The following UBE2G1 variants were observed in gnomAD, a reference collection of about 807,000 sequenced individuals.
UBE2G1 encodes the protein ubiquitin-conjugating enzyme E2 G1.
In UBE2G1, 5 loss-of-function variants were observed where a neutral mutation model predicts 22.7. That is an observed-to-expected ratio of 0.22 (90% CI 0.12 to 0.46). The LOEUF is 0.46. Ranked by LOEUF, UBE2G1 falls within the 20% of genes least tolerant of loss-of-function variation. The pLI, the probability that UBE2G1 is intolerant of heterozygous loss-of-function variation, is 0.99. For missense variants in UBE2G1, 88 were observed against 203.9 expected (o/e 0.43, Z 3.46); for synonymous variants, 74 against 67.5 (o/e 1.10, Z -0.47).
At chr17:4,334,645 T>C (rs1350775670) in intron 1 of UBE2G1, among the ~76,000 whole-genome samples, 1 of 152,144 alleles carries the variant, frequency 6.6e-6, no homozygotes, top group Non-Finnish European at 1.5e-5. Flanking sequence ...TTCAAACGGA[T>C]TCTCCTGCCT....
At chr17:4,353,362 A>C (rs2143820359) in intron 1 of UBE2G1, among the ~76,000 whole-genome samples, 1 of 152,150 alleles carries the variant, frequency 6.6e-6, no homozygotes, top group South Asian at 2.1e-4. Flanking sequence ...TGTGTATAAT[A>C]TTGTGGTGAA....
intron 1 of UBE2G1, among the ~76,000 whole-genome samples, chr17:4,338,514 G>C (rs1395056081): frequency 2.0e-5 from 3 of 152,132 alleles, no homozygotes; most frequent in African/African-American, 7.2e-5. Flanking sequence ...CATTTTCATA[G>C]TAAGTAAAGG....
At chr17:4,340,894 T>TAAAA (rs778447316) in intron 1 of UBE2G1, among the ~76,000 whole-genome samples, 57 of 111,046 alleles carry the variant, frequency 5.1e-4, no homozygotes, top group African/African-American at 2.2e-3. Context: ...TTCACGTATT[T>TAAAA]AAAAAAAAAA....
chr17:4,311,511 C>G (rs1429574766), intron 1 of UBE2G1, among the ~76,000 whole-genome samples: 1 of 152,178 alleles, frequency 6.6e-6, no homozygotes, highest in Non-Finnish European at 1.5e-5. Flanking sequence ...TCAGTAACAT[C>G]AGGCTAAGTT....
intron 1 of UBE2G1, among the ~76,000 whole-genome samples, chr17:4,365,742 T>C (rs1224103092): frequency 1.3e-5 from 2 of 152,150 alleles, no homozygotes; most frequent in Non-Finnish European, 2.9e-5. Flanking sequence ...GCGCTTTTGT[T>C]GTCGGCCCCA....
chr17:4,323,103 T>C lies in UBE2G1; in HGVS notation c.47-15980A>G, dbSNP rs1467893567. Among the ~76,000 whole-genome samples the C allele has an allele frequency of 2.0e-5, 3 of 152,168 alleles. No individual in the cohort carries two copies. The East Asian group carries it at 5.8e-4, about 29-fold the overall frequency. On this transcript the variant is annotated intron_variant, in intron 1 of 5. Transcript: ENST00000396981. Reference sequence around the variant, plus strand: ...TCCCCCAATGAATTGCAGAAAACTATTAATAAAGGAGAAATATTGGAAAGC... The same window carrying C: ...TCCCCCAATGAATTGCAGAAAACTACTAATAAAGGAGAAATATTGGAAAGC...
At chr17:4,340,448 CTACAAT>C (rs1969697925) in intron 1 of UBE2G1, among the ~76,000 whole-genome samples, 1 of 152,164 alleles carries the variant, frequency 6.6e-6, no homozygotes, top group African/African-American at 2.4e-5. Flanking sequence ...GGTCCTAAAA[CTACAAT>C]TACATGTTGA....
intron 1 of UBE2G1, among the ~76,000 whole-genome samples, chr17:4,338,215 A>T (rs577005662): frequency 6.6e-6 from 1 of 151,964 alleles, no homozygotes; most frequent in African/African-American, 2.4e-5. Context: ...TTTTGATGGG[A>T]GGGGAAAAAA....
At chr17:4,300,423 A>C (rs1206329840) in intron 2 of UBE2G1, among the ~76,000 whole-genome samples, 3 of 151,930 alleles carry the variant, frequency 2.0e-5, no homozygotes, top group African/African-American at 7.3e-5. Flanking sequence ...GGTGCCTGTA[A>C]TCCCATCTAC....
chr17:4,343,957 A>C (rs773098159), intron 1 of UBE2G1, among the ~76,000 whole-genome samples: 1 of 152,002 alleles, frequency 6.6e-6, no homozygotes, highest in Non-Finnish European at 1.5e-5. Context: ...ACAGATACAA[A>C]CTCTGGAGAC....
chr17:4,308,310 G>A (rs533347931), intron 1 of UBE2G1, among the ~76,000 whole-genome samples: 95 of 152,264 alleles, frequency 6.2e-4, no homozygotes, highest in African/African-American at 2.2e-3. Flanking sequence ...CCAAGATCGC[G>A]CCATTGCACT....
intron 5 of UBE2G1, among the ~76,000 whole-genome samples, chr17:4,275,953 G>C (rs1045381259): frequency 1.4e-4 from 22 of 152,128 alleles, no homozygotes; most frequent in African/African-American, 5.3e-4. Context: ...TGAGCTCTCT[G>C]TGAGAACTCA....
chr17:4,295,795 G>A lies in UBE2G1; in HGVS notation c.247+922C>T, dbSNP rs1344547254. Among the ~76,000 whole-genome samples, 5 of 150,460 alleles carry A rather than the reference G, an allele frequency of 3.3e-5. No homozygotes were observed. In the South Asian group the frequency reaches 8.5e-4, roughly 26 times the overall value. On this transcript the variant is annotated intron_variant, in intron 3 of 5. Transcript: ENST00000396981. ...TTTTTTTTTAATTTTTAAATAAGAC[G>A]TAGTTATTGGGGGCTTATATACAGG...
chr17:4,357,948 A>T (rs887068764), intron 1 of UBE2G1, among the ~76,000 whole-genome samples: 36 of 151,960 alleles, frequency 2.4e-4, no homozygotes, highest in African/African-American at 8.2e-4. Flanking sequence ...TTTATAAAAA[A>T]TTTTTAAAAG....
chr17:4,345,491 T>A (rs889714520), intron 1 of UBE2G1: 1 of 152,210 alleles, frequency 6.6e-6, no homozygotes, highest in African/African-American at 2.4e-5. Flanking sequence ...ATATTCCCTA[T>A]ACATAACTTT....
At chr17:4,277,692 T>C (rs959565286) in intron 5 of UBE2G1, among the ~76,000 whole-genome samples, 6 of 152,244 alleles carry the variant, frequency 3.9e-5, no homozygotes, top group African/African-American at 1.2e-4. Flanking sequence ...TAATCTTAAA[T>C]TGATTTCACT....
intron 4 of UBE2G1, among the ~76,000 whole-genome samples, chr17:4,283,279 G>A (rs1237950803): frequency 6.6e-6 from 1 of 152,242 alleles, no homozygotes; most frequent in Non-Finnish European, 1.5e-5. Flanking sequence ...CTGGGAGGCC[G>A]AGGTGGGCGG....
intron 1 of UBE2G1, among the ~76,000 whole-genome samples, chr17:4,336,445 TC>T (rs1969647393): frequency 6.6e-6 from 1 of 152,084 alleles, no homozygotes; most frequent in South Asian, 2.1e-4. Flanking sequence ...CAGAAAAGGG[TC>T]ATTTTTTATA....
chr17:4,294,592 T>C (rs1218412321), intron 3 of UBE2G1, among the ~76,000 whole-genome samples: 2 of 152,168 alleles, frequency 1.3e-5, no homozygotes, highest in East Asian at 3.8e-4. Flanking sequence ...TTTGCTTACA[T>C]GTATGTTTTC....
Sources: gnomAD v4.1 joint callset for allele counts (sites outside exome capture counted in the v4.1 genomes callset) on GRCh38, gnomAD v4.1.1 for gene constraint, MANE v1.5 for transcripts, NCBI Gene and HGNC (gene_info 2026-07-23, HGNC 2026-07-21) for gene names.